Variants in PHACTR1 observed in about 807,000 individuals in gnomAD.
PHACTR1 encodes the protein RPEL repeat containing 1.
PHACTR1 carries 16 observed loss-of-function variants against 69.2 expected under a neutral mutation model. The ratio of observed to expected loss-of-function variants is 0.23; its 90% CI spans 0.16 to 0.35. The LOEUF (loss-of-function observed/expected upper bound fraction) is 0.35. Among genes scored for constraint, PHACTR1 ranks in the 10% least tolerant of loss-of-function variants. PHACTR1 has a pLI of 1.00. For synonymous variants in PHACTR1, 312 were observed against 284.5 expected (o/e 1.10, Z -0.97); for missense variants, 510 against 734.7 (o/e 0.69, Z 3.54).
chr6:13,133,292 A>C (rs1583505496), intron 5 of PHACTR1, among the ~76,000 whole-genome samples: 1 of 116,992 alleles, frequency 8.5e-6, no homozygotes, highest in African/African-American at 3.3e-5. Flanking sequence ...TCCTCTCCCC[A>C]CAGTCTCCCT....
chr6:13,197,342 C>T (rs1003443091), intron 7 of PHACTR1, among the ~76,000 whole-genome samples: 2 of 152,158 alleles, frequency 1.3e-5, no homozygotes, highest in Non-Finnish European at 2.9e-5. Context: ...TAGATTTCAA[C>T]CCTAAGGTCC....
chr6:13,066,255 C>G (rs1808610845), intron 5 of PHACTR1, among the ~76,000 whole-genome samples: 1 of 152,172 alleles, frequency 6.6e-6, no homozygotes, highest in Non-Finnish European at 1.5e-5. Context: ...CTCTTGTCTT[C>G]TAGTGTTGAG....
At chr6:12,812,049 T>C (rs967529533) in intron 4 of PHACTR1, among the ~76,000 whole-genome samples, 1 of 152,094 alleles carries the variant, frequency 6.6e-6, no homozygotes, top group Non-Finnish European at 1.5e-5. Context: ...TGCAATTCAA[T>C]AGCATTTTGT....
intron 5 of PHACTR1, among the ~76,000 whole-genome samples, chr6:13,059,619 C>T (rs544376990): frequency 6.6e-6 from 1 of 152,234 alleles, no homozygotes; most frequent in Non-Finnish European, 1.5e-5. Context: ...TTTACATATG[C>T]AGTTTGCACA....
At chr6:13,285,877 G>A (rs1781582035) in intron 13 of PHACTR1, among the ~76,000 whole-genome samples, 1 of 152,140 alleles carries the variant, frequency 6.6e-6, no homozygotes, top group Non-Finnish European at 1.5e-5. Flanking sequence ...CACCACTGAT[G>A]CCTCAATGCC....
rs567878229 is a variant in PHACTR1, at chr6:13,108,257, G to T, written c.416-51947G>T. 4.7e-5 allele frequency among the ~76,000 whole-genome samples: 7 copies of T among 149,482 alleles called. No individual in the cohort carries two copies. In the East Asian group the frequency reaches 1.4e-3, roughly 29 times the overall value. On this transcript the variant is annotated intron_variant, in intron 5 of 14. Coordinates refer to ENST00000332995, the MANE Select transcript of PHACTR1 (RefSeq NM_030948.6). ...ATAGAACATATTCCATATGATTGCA[G>T]ACATTTTAAATTTAATGAGACTTTT... is the stretch of plus-strand genomic sequence containing the variant.
At chr6:12,970,373 C>T (rs1355522367) in intron 4 of PHACTR1, among the ~76,000 whole-genome samples, 1 of 152,136 alleles carries the variant, frequency 6.6e-6, no homozygotes, top group Admixed American at 6.5e-5. Flanking sequence ...TGGATGCAGA[C>T]CCAATTTAGC....
chr6:12,816,754 A>G (rs1404977254), intron 4 of PHACTR1, among the ~76,000 whole-genome samples: 1 of 152,212 alleles, frequency 6.6e-6, no homozygotes, highest in East Asian at 1.9e-4. Flanking sequence ...AGAGGGGGTC[A>G]GAAAGATGTG....
chr6:13,125,049 G>A (rs1044160360), intron 5 of PHACTR1, among the ~76,000 whole-genome samples: 24 of 152,178 alleles, frequency 1.6e-4, no homozygotes, highest in Non-Finnish European at 1.0e-4. Context: ...AAGGGGCATA[G>A]AGGCATGAAT....
intron 4 of PHACTR1, among the ~76,000 whole-genome samples, chr6:12,826,310 T>C (rs142573967): frequency 6.6e-5 from 10 of 152,330 alleles, no homozygotes; most frequent in African/African-American, 2.4e-4. Context: ...AATAAAGTAT[T>C]GGGCAAAGTA....
chr6:12,750,231 G>T (rs986616531), intron 4 of PHACTR1, among the ~76,000 whole-genome samples: 2 of 152,192 alleles, frequency 1.3e-5, no homozygotes, highest in African/African-American at 4.8e-5. Context: ...TGCGGTGTTG[G>T]AGTGGGGAGA....
intron 10 of PHACTR1, among the ~76,000 whole-genome samples, chr6:13,244,228 G>T (rs1041091966): frequency 1.3e-5 from 2 of 152,120 alleles, no homozygotes; most frequent in Non-Finnish European, 2.9e-5. Flanking sequence ...GGGAGTGCGC[G>T]AATAGGTGTC....
chr6:13,166,032 T>C (rs1328413276), intron 6 of PHACTR1, among the ~76,000 whole-genome samples: 1 of 152,210 alleles, frequency 6.6e-6, no homozygotes, highest in Non-Finnish European at 1.5e-5. Context: ...TTCACTCTCT[T>C]CATCCCTCCT....
chr6:12,758,676 A>G (rs889637240), intron 4 of PHACTR1, among the ~76,000 whole-genome samples: 1 of 152,148 alleles, frequency 6.6e-6, no homozygotes, highest in Non-Finnish European at 1.5e-5. Flanking sequence ...TCTGTTTCAT[A>G]TGACTTCAAA....
At chr6:12,727,094 G>T (rs1581442125) in intron 3 of PHACTR1, among the ~76,000 whole-genome samples, 2 of 151,990 alleles carry the variant, frequency 1.3e-5, no homozygotes, top group African/African-American at 4.8e-5. Context: ...GCAGTATATG[G>T]CACTTCACAC....
At chr6:12,910,194 C>T (rs539638469) in intron 4 of PHACTR1, among the ~76,000 whole-genome samples, 5 of 152,238 alleles carry the variant, frequency 3.3e-5, no homozygotes, top group South Asian at 2.1e-4. Flanking sequence ...TCTTCCTAGA[C>T]GAGCTCTACT....
intron 5 of PHACTR1, among the ~76,000 whole-genome samples, chr6:13,134,795 TAAAAAAAAAAAAA>T (rs35318262): frequency 1.8e-5 from 2 of 111,358 alleles, no homozygotes; most frequent in African/African-American, 7.8e-5. Flanking sequence ...CAATAAATAC[TAAAAAAAAAAAAA>T]AAAAAAAAAA....
intron 4 of PHACTR1, among the ~76,000 whole-genome samples, chr6:13,014,628 T>C (rs1160358451): frequency 1.3e-5 from 2 of 150,772 alleles, no homozygotes; most frequent in South Asian, 2.1e-4. Flanking sequence ...ACTTGTGGAG[T>C]TGTTGAATGA....
chr6:13,014,171 G>T lies in PHACTR1; in HGVS notation c.251-39194G>T, dbSNP rs531207092. Among the ~76,000 whole-genome samples the T allele has an allele frequency of 2.6e-5, 4 of 152,062 alleles. No homozygotes were observed. In the East Asian group the frequency reaches 7.8e-4, roughly 30 times the overall value. ...GCCGGGGCCCGTCGGGGCGGCGGCGGCGAGCGCGGGAGGCGGGGAGGTGGC... is the reference window on the plus strand; with the variant it reads ...GCCGGGGCCCGTCGGGGCGGCGGCGTCGAGCGCGGGAGGCGGGGAGGTGGC... On this transcript the variant is annotated intron_variant, in intron 4 of 14. Transcript: ENST00000332995.
Sources: gnomAD v4.1 joint callset for allele counts (sites outside exome capture counted in the v4.1 genomes callset) on GRCh38, gnomAD v4.1.1 for gene constraint, MANE v1.5 for transcripts, NCBI Gene and HGNC (gene_info 2026-07-23, HGNC 2026-07-21) for gene names.